CALN1: variants seen among roughly 807,000 people sequenced by gnomAD.
CALN1 encodes calcium-binding protein 8.
CALN1 carries 17 observed loss-of-function variants against 30.6 expected under a neutral mutation model. The ratio of observed to expected loss-of-function variants is 0.56; its 90% CI spans 0.38 to 0.83. The LOEUF (loss-of-function observed/expected upper bound fraction) is 0.83, where lower values mean the gene tolerates loss of function less well. Among genes scored for constraint, CALN1 ranks in the 40% least tolerant of loss-of-function variants. CALN1 has a pLI of 0.00. For missense variants in CALN1, 291 were observed against 354.9 expected (o/e 0.82, Z 1.45); for synonymous variants, 156 against 131.4 (o/e 1.19, Z -1.28).
chr7:72,025,028 T>G (rs1354740429), intron 4 of CALN1, among the ~76,000 whole-genome samples: 1 of 152,096 alleles, frequency 6.6e-6, no homozygotes, highest in Non-Finnish European at 1.5e-5. Context: ...CCATGTATCC[T>G]GGCCAGGTGC....
intron 3 of CALN1, among the ~76,000 whole-genome samples, chr7:72,196,818 A>G (rs1791042596): frequency 6.6e-6 from 1 of 151,950 alleles, no homozygotes; most frequent in Non-Finnish European, 1.5e-5. Flanking sequence ...TCCTGATGAG[A>G]AAACTGGGTC....
intron 3 of CALN1, among the ~76,000 whole-genome samples, chr7:72,228,729 C>A: frequency 6.8e-6 from 1 of 146,618 alleles, no homozygotes. Context: ...GTGTTGGCTA[C>A]CTTATTTATA....
At chr7:72,258,711 A>T (rs1796085688) in intron 3 of CALN1, among the ~76,000 whole-genome samples, 2 of 152,154 alleles carry the variant, frequency 1.3e-5, no homozygotes, top group Admixed American at 1.3e-4. Flanking sequence ...CAAGGTCAGG[A>T]GTTCAAGACC....
intron 3 of CALN1, among the ~76,000 whole-genome samples, chr7:72,237,349 C>T (rs552403523): frequency 3.8e-4 from 58 of 152,244 alleles, no homozygotes; most frequent in African/African-American, 1.3e-3. Context: ...TAAACTGCAA[C>T]ATCACAAACA....
At chr7:72,184,694 C>T (rs79924853) in intron 3 of CALN1, among the ~76,000 whole-genome samples, 5,032 of 152,174 alleles carry the variant, frequency 0.033, 269 homozygotes, top group African/African-American at 0.11. Flanking sequence ...GGAAAACACT[C>T]GAATTTATTT....
chr7:72,154,610 C>T (rs111804612), intron 3 of CALN1, among the ~76,000 whole-genome samples: 5 of 152,264 alleles, frequency 3.3e-5, no homozygotes, highest in African/African-American at 9.6e-5. Context: ...CTGATATAAC[C>T]ACAGAGGGCC....
At chr7:71,893,749 G>A (rs866239250) in intron 5 of CALN1, among the ~76,000 whole-genome samples, 1 of 151,634 alleles carries the variant, frequency 6.6e-6, no homozygotes, top group African/African-American at 2.4e-5. Flanking sequence ...GGCTATTCTC[G>A]GGATGTCAAG....
At chr7:71,893,856 A>G (rs1266060278) in intron 5 of CALN1, among the ~76,000 whole-genome samples, 1 of 152,112 alleles carries the variant, frequency 6.6e-6, no homozygotes, top group East Asian at 1.9e-4. Flanking sequence ...AGAGGAGCTG[A>G]CATGAAGGCT....
At chr7:72,354,341 T>C (rs1178110081) in intron 2 of CALN1, among the ~76,000 whole-genome samples, 2 of 152,328 alleles carry the variant, frequency 1.3e-5, no homozygotes, top group East Asian at 3.9e-4. Context: ...ACCATGTTAA[T>C]GGATTAGAGG....
intron 3 of CALN1, among the ~76,000 whole-genome samples, chr7:72,179,488 A>G (rs1274266743): frequency 1.3e-5 from 2 of 152,192 alleles, no homozygotes; most frequent in Admixed American, 1.3e-4. Flanking sequence ...TCTCTAATGG[A>G]GAATCTTGTC....
chr7:72,273,279 A>G (rs906481423), intron 3 of CALN1, among the ~76,000 whole-genome samples: 3 of 151,800 alleles, frequency 2.0e-5, no homozygotes, highest in Non-Finnish European at 2.9e-5. Flanking sequence ...AAAATTCGCC[A>G]GGCGTGGTGG....
At chr7:72,281,258 G>A (rs2129554217) in intron 2 of CALN1, among the ~76,000 whole-genome samples, 1 of 152,256 alleles carries the variant, frequency 6.6e-6, no homozygotes, top group African/African-American at 2.4e-5. Flanking sequence ...CCTGAAAGAT[G>A]TAGGACCCTT....
At chr7:72,027,726 A>AACACACACACACAC (rs111705413) in intron 4 of CALN1, among the ~76,000 whole-genome samples, 3 of 143,220 alleles carry the variant, frequency 2.1e-5, no homozygotes, top group African/African-American at 7.7e-5. Flanking sequence ...CAAACAAACA[A>AACACACACACACAC]ACACACACAC....
chr7:71,799,542 T>C (rs1787181875), intron 6 of CALN1, among the ~76,000 whole-genome samples: 3 of 152,140 alleles, frequency 2.0e-5, no homozygotes, highest in Admixed American at 6.6e-5. Context: ...CTCAGTTCAC[T>C]GCAACCTCCA....
chr7:71,818,745 T>C (rs1354061815), intron 5 of CALN1, among the ~76,000 whole-genome samples: 7 of 151,704 alleles, frequency 4.6e-5, no homozygotes, highest in African/African-American at 1.2e-4. Context: ...AGTCTCACTC[T>C]GTCACCCAGG....
chr7:72,157,857 C>A (rs921453914), intron 3 of CALN1, among the ~76,000 whole-genome samples: 2 of 152,198 alleles, frequency 1.3e-5, no homozygotes, highest in African/African-American at 4.8e-5. Flanking sequence ...GATTCTCTTG[C>A]CTCAGCCTCC....
chr7:72,350,721 C>T (rs1440302080), intron 2 of CALN1, among the ~76,000 whole-genome samples: 2 of 152,080 alleles, frequency 1.3e-5, no homozygotes, highest in African/African-American at 4.8e-5. Context: ...ACACTAAATC[C>T]TTGCAAGACT....
chr7:72,400,373 G>C (rs761256083), intron 2 of CALN1, among the ~76,000 whole-genome samples: 1 of 152,122 alleles, frequency 6.6e-6, no homozygotes, highest in Non-Finnish European at 1.5e-5. Flanking sequence ...TATTTGACAG[G>C]AATCATCTTC....
intron 5 of CALN1, among the ~76,000 whole-genome samples, chr7:71,954,484 T>A (rs1294379735): frequency 6.6e-6 from 1 of 151,306 alleles, no homozygotes; most frequent in South Asian, 2.1e-4. Context: ...AAAAAAAAAA[T>A]TAAAAATAAT....
Sources: allele counts gnomAD v4.1 joint callset (sites outside exome capture counted in the v4.1 genomes callset), GRCh38; gene constraint gnomAD v4.1.1; transcripts MANE v1.5; gene names NCBI Gene and HGNC (gene_info 2026-07-23, HGNC 2026-07-21).